The following SYTL3 variants were observed in gnomAD, a reference collection of about 807,000 sequenced individuals.
SYTL3 encodes the protein synaptotagmin like 3.
SYTL3 carries 88 observed loss-of-function variants against 82.1 expected under a neutral mutation model. The observed-to-expected ratio is 1.07, with a 90% CI of 0.90 to 1.28. The LOEUF (loss-of-function observed/expected upper bound fraction) is 1.28, where lower values mean the gene tolerates loss of function less well. Among genes scored for constraint, SYTL3 ranks in the 50% most tolerant of loss-of-function variants. The pLI is 0.00. For synonymous variants in SYTL3, 311 were observed against 289.4 expected, an observed-to-expected ratio of 1.07 and a Z score of -0.76; for missense variants, 831 against 757.6, an observed-to-expected ratio of 1.10 and a Z score of -1.14.
intron 14 of SYTL3, among the ~76,000 whole-genome samples, chr6:158,758,250 C>T (rs558766727): frequency 6.6e-6 from 1 of 152,222 alleles, no homozygotes; most frequent in South Asian, 2.1e-4. Context: ...ACCATCCTGG[C>T]TAACACAGTG....
At chr6:158,661,835 A>C (rs1789413902) in intron 3 of SYTL3, among the ~76,000 whole-genome samples, 1 of 152,178 alleles carries the variant, frequency 6.6e-6, no homozygotes, top group South Asian at 2.1e-4. Flanking sequence ...ATTCATCACT[A>C]CTTTGAAATT....
chr6:158,677,743 TAAA>T (rs370060453), intron 5 of SYTL3, among the ~76,000 whole-genome samples: 1 of 128,836 alleles, frequency 7.8e-6, no homozygotes, highest in Non-Finnish European at 1.7e-5. Context: ...CTATTTGAAA[TAAA>T]AAAAATAAAA....
chr6:158,712,747 T>TTTTC (rs869202859), intron 8 of SYTL3, among the ~76,000 whole-genome samples: 1 of 146,590 alleles, frequency 6.8e-6, no homozygotes, highest in African/African-American at 2.5e-5. Flanking sequence ...ATTCTTTTTC[T>TTTTC]TTTCTTTCTT....
intron 11 of SYTL3, among the ~76,000 whole-genome samples, chr6:158,731,533 T>C (rs1334733774): frequency 6.6e-6 from 1 of 152,086 alleles, no homozygotes; most frequent in Non-Finnish European, 1.5e-5. Context: ...TCATGGGCCA[T>C]TGTTCCAAAG....
At chr6:158,683,234 T>C (rs78483828) in intron 6 of SYTL3, among the ~76,000 whole-genome samples, 1 of 148,834 alleles carries the variant, frequency 6.7e-6, no homozygotes, top group Non-Finnish European at 1.5e-5. Context: ...TTTTTTTTTT[T>C]TTTTTGAGGC....
At chr6:158,760,925 C>T (rs181959281) in intron 15 of SYTL3, among the ~76,000 whole-genome samples, 180 bp downstream of exon 15, 3 of 152,156 alleles carry the variant, frequency 2.0e-5, no homozygotes, top group East Asian at 1.9e-4. Context: ...CTCTGGAGCC[C>T]GTAGTGGGGG....
chr6:158,665,768 G>A (rs1036690321), intron 5 of SYTL3, among the ~76,000 whole-genome samples, 155 bp downstream of exon 5: 1 of 152,196 alleles, frequency 6.6e-6, no homozygotes, highest in African/African-American at 2.4e-5. Flanking sequence ...AGCCTTGGAA[G>A]TTATCTTCAT....
intron 5 of SYTL3, among the ~76,000 whole-genome samples, chr6:158,677,500 T>C (rs1352263993): frequency 4.0e-5 from 6 of 151,856 alleles, no homozygotes; most frequent in African/African-American, 1.5e-4. Context: ...TGTATACATA[T>C]GTAACACACC....
At chr6:158,653,102 G>A (rs1268462859) in intron 2 of SYTL3, among the ~76,000 whole-genome samples, 1 of 152,214 alleles carries the variant, frequency 6.6e-6, no homozygotes, top group Non-Finnish European at 1.5e-5. Flanking sequence ...CATGCGTGCT[G>A]TCTCATTGTT....
intron 5 of SYTL3, among the ~76,000 whole-genome samples, chr6:158,678,976 T>C (rs1019104264): frequency 2.6e-5 from 4 of 152,180 alleles, no homozygotes; most frequent in African/African-American, 9.6e-5. Flanking sequence ...TGGTTACTAA[T>C]GAATCACACT....
intron 13 of SYTL3, among the ~76,000 whole-genome samples, chr6:158,754,266 C>T (rs1010204294): frequency 2.6e-5 from 4 of 152,200 alleles, no homozygotes; most frequent in Non-Finnish European, 5.9e-5. Context: ...CCATTTGACA[C>T]CACTGTCCTG....
At chr6:158,681,054 A>T (rs1422273085) in intron 5 of SYTL3, among the ~76,000 whole-genome samples, 1 of 152,232 alleles carries the variant, frequency 6.6e-6, no homozygotes, top group African/African-American at 2.4e-5. Context: ...AATTTATTTC[A>T]GTCAATACTG....
rs1784118137 is a variant in SYTL3, at chr6:158,721,618, T to C, written c.720+3407T>C. Among the ~76,000 whole-genome samples, 4 of 151,738 alleles carry C rather than the reference T, an allele frequency of 2.6e-5. No homozygotes were observed. The South Asian group carries it at 8.3e-4, about 32-fold the overall frequency. On this transcript the variant is annotated intron_variant, in intron 10 of 17. Coordinates refer to ENST00000611299, the MANE Select transcript of SYTL3 (RefSeq NM_001242394.2). The stretch of plus-strand genomic sequence containing the variant: ...AACTATTGGGTTGAAATATAAGGAG[T>C]ACACTTCTATTTATTTATTTTTATT...
At chr6:158,759,821 A>G (rs1038250645) in intron 14 of SYTL3, among the ~76,000 whole-genome samples, 2 of 152,152 alleles carry the variant, frequency 1.3e-5, no homozygotes, top group African/African-American at 4.8e-5. Flanking sequence ...ATGAGTCACC[A>G]TGCTTGGCCT....
Position 158,704,573 on chromosome 6 carries a change from C to T in SYTL3, c.395-2657C>T, listed in dbSNP as rs1052354561. ...ATCGTGCAGGCAGGGCCGGCCTCAC[C>T]GGGTAGGCAGGGCAATAAGGGACAA... On this transcript the variant is annotated intron_variant, in intron 6 of 17. Transcript: ENST00000611299. 7.9e-5 allele frequency among the ~76,000 whole-genome samples: 12 copies of T among 152,342 alleles called. No homozygotes were observed. The South Asian group carries it at 1.0e-3, about 13-fold the overall frequency.
intron 10 of SYTL3, among the ~76,000 whole-genome samples, chr6:158,719,466 A>G (rs1418830472): frequency 1.3e-5 from 2 of 152,172 alleles, no homozygotes; most frequent in Non-Finnish European, 2.9e-5. Context: ...CCGCAGATGC[A>G]TTTTTGGTGA....
At chr6:158,650,124 G>C (rs1322086383) in intron 1 of SYTL3, 46 bp downstream of exon 1, 1 of 152,122 alleles carries the variant, frequency 6.6e-6, no homozygotes, top group African/African-American at 2.4e-5. Context: ...GTCGTTTTAG[G>C]AGTGGGGGAG....
At chr6:158,699,080 G>T (rs1305726037) in intron 6 of SYTL3, among the ~76,000 whole-genome samples, 1 of 152,178 alleles carries the variant, frequency 6.6e-6, no homozygotes. Flanking sequence ...CTGCTGTGGG[G>T]CCTTTCGGTG....
the SYTL3 span, among the ~76,000 whole-genome samples, chr6:158,644,968 C>G: frequency 6.6e-6 from 1 of 152,210 alleles, no homozygotes; most frequent in Admixed American, 6.5e-5. Context: ...GGTAGCCGGG[C>G]AGCTCCCTAA....
Sources: gnomAD v4.1 joint callset for allele counts (sites outside exome capture counted in the v4.1 genomes callset) on GRCh38, gnomAD v4.1.1 for gene constraint, MANE v1.5 for transcripts, NCBI Gene and HGNC (gene_info 2026-07-23, HGNC 2026-07-21) for gene names.